The following RORA variants were observed in gnomAD, a reference collection of about 807,000 sequenced individuals.
The protein encoded by RORA is RAR related orphan receptor A, also known as nuclear receptor ROR-alpha.
Under a neutral mutation model 69.5 loss-of-function variants are expected in RORA, and 7 were observed. The observed-to-expected ratio is 0.10, with a 90% CI of 0.06 to 0.19. The LOEUF (loss-of-function observed/expected upper bound fraction) is 0.19, where lower values mean the gene tolerates loss of function less well. RORA is among the 10% of genes least tolerant of loss of function. RORA has a pLI of 1.00. For missense variants in RORA, 457 were observed against 663.0 expected (o/e 0.69, Z 3.41); for synonymous variants, 261 against 240.8 (o/e 1.08, Z -0.78).
At chr15:60,828,833 G>A (rs1460877648) in intron 1 of RORA, among the ~76,000 whole-genome samples, 1 of 152,032 alleles carries the variant, frequency 6.6e-6, no homozygotes, top group Admixed American at 6.5e-5. Context: ...TAGTTCTCTA[G>A]GCTCTCTCAA....
At chr15:61,107,688 A>C (rs1005111260) in intron 1 of RORA, among the ~76,000 whole-genome samples, 1 of 151,860 alleles carries the variant, frequency 6.6e-6, no homozygotes, top group South Asian at 2.1e-4. Flanking sequence ...TCATGGTCTC[A>C]TTACCCTGTG....
intron 1 of RORA, 64 bp from the exon 2 acceptor site, chr15:60,678,750 G>A (rs1032795550): frequency 3.6e-5 from 49 of 1,362,318 alleles, no homozygotes; most frequent in Middle Eastern, 3.6e-4. Flanking sequence ...TTGAATGTCC[G>A]TCATTCCCAG....
At chr15:61,140,560 T>C (rs1350701560) in intron 1 of RORA, among the ~76,000 whole-genome samples, 1 of 152,080 alleles carries the variant, frequency 6.6e-6, no homozygotes, top group Non-Finnish European at 1.5e-5. Flanking sequence ...TACGTTCCAA[T>C]GGCAGACAGA....
intron 1 of RORA, among the ~76,000 whole-genome samples, chr15:60,932,528 A>T (rs1237503181): frequency 6.6e-6 from 1 of 152,210 alleles, no homozygotes; most frequent in African/African-American, 2.4e-5. Flanking sequence ...CATGTAGTGC[A>T]AGGAAATAAT....
intron 1 of RORA, among the ~76,000 whole-genome samples, chr15:60,798,977 G>A (rs1455052459): frequency 4.7e-5 from 7 of 149,948 alleles, no homozygotes; most frequent in South Asian, 4.2e-4. Flanking sequence ...GTATTATGGC[G>A]TGGGCTGATT....
intron 2 of RORA, among the ~76,000 whole-genome samples, chr15:60,604,928 T>G (rs868288829): frequency 4.6e-5 from 7 of 152,166 alleles, no homozygotes; most frequent in African/African-American, 1.7e-4. Flanking sequence ...CAATAATCAC[T>G]GGATTGGAGT....
At chr15:61,175,254 G>C (rs1439481377) in intron 1 of RORA, among the ~76,000 whole-genome samples, 1 of 152,074 alleles carries the variant, frequency 6.6e-6, no homozygotes, top group Non-Finnish European at 1.5e-5. Flanking sequence ...TGAAAATTTA[G>C]GAAAATTTAG....
intron 1 of RORA, among the ~76,000 whole-genome samples, chr15:61,163,197 C>T (rs2079511009): frequency 1.3e-5 from 2 of 152,158 alleles, no homozygotes; most frequent in African/African-American, 4.8e-5. Flanking sequence ...TTGCATCCAT[C>T]AGTTACTTTA....
intron 1 of RORA, among the ~76,000 whole-genome samples, chr15:60,787,177 C>T (rs1308497492): frequency 6.6e-6 from 1 of 152,198 alleles, no homozygotes; most frequent in South Asian, 2.1e-4. Context: ...TGCTGGGGAG[C>T]GCCATGGGGC....
At chr15:61,087,900 G>C (rs2078648543) in intron 1 of RORA, among the ~76,000 whole-genome samples, 1 of 152,232 alleles carries the variant, frequency 6.6e-6, no homozygotes, top group South Asian at 2.1e-4. Context: ...CACAGTGCTT[G>C]AAAAGTAGAG....
intron 1 of RORA, among the ~76,000 whole-genome samples, chr15:60,916,183 A>T (rs1891868162): frequency 6.6e-6 from 1 of 152,152 alleles, no homozygotes. Context: ...GTGTCGTTTG[A>T]CTGATTGGGT....
At position 60,728,848 on chromosome 15, in the gene RORA, G is replaced by A. The variant is rs17237353; in HGVS notation, c.167-50162C>T. Among the ~76,000 whole-genome samples the A allele has an allele frequency of 7.0e-3, 1,059 of 152,198 alleles. 52 individuals carry two copies. In the East Asian group the frequency reaches 0.15, roughly 21 times the overall value. ...ATAATTCAACTGTAAGTCAGAGTGC[G>A]AAAAGTACTATAAGAAAGGTGCAGA... On this transcript the variant is annotated intron_variant, in intron 1 of 10. Transcript: ENST00000335670.
chr15:60,686,190 T>C (rs566193258), intron 1 of RORA, among the ~76,000 whole-genome samples: 1 of 152,282 alleles, frequency 6.6e-6, no homozygotes, highest in East Asian at 1.9e-4. Flanking sequence ...CCTTTATCTT[T>C]AACAAAACAG....
At chr15:60,760,842 A>T (rs2071874493) in intron 1 of RORA, among the ~76,000 whole-genome samples, 2 of 151,766 alleles carry the variant, frequency 1.3e-5, no homozygotes, top group Non-Finnish European at 2.9e-5. Flanking sequence ...ATGTCTATAC[A>T]TGCAGACAGA....
At chr15:60,946,467 G>A (rs540794833) in intron 1 of RORA, among the ~76,000 whole-genome samples, 14 of 152,338 alleles carry the variant, frequency 9.2e-5, no homozygotes, top group African/African-American at 2.6e-4. Flanking sequence ...ACGGGGTTTC[G>A]CTTTGTTGGC....
intron 1 of RORA, among the ~76,000 whole-genome samples, chr15:61,157,731 A>T (rs1283726516): frequency 2.0e-5 from 3 of 152,186 alleles, no homozygotes; most frequent in Non-Finnish European, 4.4e-5. Flanking sequence ...TTCTCTTTAC[A>T]TCTAGCTGAG....
chr15:60,575,951 G>A (rs988395637), intron 2 of RORA, among the ~76,000 whole-genome samples: 1 of 152,078 alleles, frequency 6.6e-6, no homozygotes, highest in Non-Finnish European at 1.5e-5. Flanking sequence ...CCCTTTAAAC[G>A]GCCAGGGTTT....
chr15:60,955,201 C>G (rs1446617650), intron 1 of RORA, among the ~76,000 whole-genome samples: 1 of 152,166 alleles, frequency 6.6e-6, no homozygotes, highest in African/African-American at 2.4e-5. Flanking sequence ...ACTGGGGAGG[C>G]TGAGGCAGGA....
intron 1 of RORA, among the ~76,000 whole-genome samples, chr15:61,145,002 A>G (rs1470866696): frequency 6.6e-6 from 1 of 152,182 alleles, no homozygotes; most frequent in Non-Finnish European, 1.5e-5. Context: ...AATTTGAGAT[A>G]CCTATCTATA....
Sources: gnomAD v4.1 joint callset for allele counts (sites outside exome capture counted in the v4.1 genomes callset) on GRCh38, gnomAD v4.1.1 for gene constraint, MANE v1.5 for transcripts, NCBI Gene and HGNC (gene_info 2026-07-23, HGNC 2026-07-21) for gene names.